GRK5: variants seen among roughly 807,000 people sequenced by gnomAD.
The protein encoded by GRK5 is g protein-coupled receptor kinase GRK5.
In GRK5, 40 loss-of-function variants were observed where a neutral mutation model predicts 78.4. The observed-to-expected ratio is 0.51, with a 90% confidence interval of 0.40 to 0.66. The LOEUF (loss-of-function observed/expected upper bound fraction) is 0.66. Ranked by LOEUF, GRK5 falls within the 30% of genes least tolerant of loss-of-function variation. GRK5 has a pLI of 0.00. For synonymous variants in GRK5, 289 were observed against 296.8 expected (o/e 0.97, Z 0.27); for missense variants, 598 against 759.9 (o/e 0.79, Z 2.50).
At chr10:119,362,809 A>G (rs1851387520) in intron 2 of GRK5, among the ~76,000 whole-genome samples, 1 of 152,212 alleles carries the variant, frequency 6.6e-6, no homozygotes, top group Admixed American at 6.5e-5. Flanking sequence ...CAACATCTGT[A>G]TCTCCCAAGC....
intron 1 of GRK5, chr10:119,211,889 C>T (rs1848493830): frequency 6.6e-6 from 1 of 152,288 alleles, no homozygotes; most frequent in South Asian, 2.1e-4. Flanking sequence ...CCCTGGACCT[C>T]TTTCCCTTGC....
chr10:119,258,929 C>G (rs1010768338), intron 1 of GRK5, among the ~76,000 whole-genome samples: 7 of 152,208 alleles, frequency 4.6e-5, no homozygotes, highest in African/African-American at 1.4e-4. Flanking sequence ...GGAGAGCTGG[C>G]TTTGCTGGCT....
chr10:119,351,651 A>G (rs943511990), intron 2 of GRK5, among the ~76,000 whole-genome samples: 1 of 152,106 alleles, frequency 6.6e-6, no homozygotes, highest in African/African-American at 2.4e-5. Flanking sequence ...CTAAGACACT[A>G]TTATAGGTGG....
intron 2 of GRK5, among the ~76,000 whole-genome samples, chr10:119,365,007 A>G (rs1272236185): frequency 6.6e-6 from 1 of 152,026 alleles, no homozygotes; most frequent in Non-Finnish European, 1.5e-5. Flanking sequence ...GCTACCTATC[A>G]GGTTTAGCGT....
chr10:119,227,833 A>G (rs1200947274), intron 1 of GRK5, among the ~76,000 whole-genome samples: 1 of 152,212 alleles, frequency 6.6e-6, no homozygotes, highest in Non-Finnish European at 1.5e-5. Flanking sequence ...TCTTTCAAAC[A>G]TTACGATCTT....
At chr10:119,387,828 T>C (rs758298009) in intron 3 of GRK5, among the ~76,000 whole-genome samples, 3 of 152,232 alleles carry the variant, frequency 2.0e-5, no homozygotes, top group Non-Finnish European at 4.4e-5. Context: ...GGCACATTTA[T>C]GGGGTGGCTC....
intron 4 of GRK5, among the ~76,000 whole-genome samples, chr10:119,404,820 T>G (rs184723846): frequency 6.6e-6 from 1 of 152,370 alleles, no homozygotes; most frequent in Non-Finnish European, 1.5e-5. Flanking sequence ...TTCCTAGGAC[T>G]GCACGGGCCT....
At chr10:119,343,238 G>A (rs761367674) in intron 2 of GRK5, among the ~76,000 whole-genome samples, 7 of 152,236 alleles carry the variant, frequency 4.6e-5, no homozygotes, top group Non-Finnish European at 1.0e-4. Flanking sequence ...ACATCTGTGT[G>A]GCAGGGAAGG....
In GRK5 at chr10:119,394,678, C is replaced by T. The variant is rs568805539; in HGVS notation, c.262-2017C>T. 3.8e-3 allele frequency among the ~76,000 whole-genome samples: 12 copies of T among 3,144 alleles called. 2 individuals carry two copies. The highest frequency in any genetic ancestry group is 8.7e-3 in the Non-Finnish European group (11 of 1,268). The allele number at this position is 3,144 out of a possible 152,430, so 2.1% of individuals were successfully genotyped here. ...GTGTGTGTATCTGTGTCTGTGGGCA[C>T]GTGTGTGTGGGTGTGTGTGGGTGTG... On this transcript the variant is annotated intron_variant, in intron 3 of 15. Coordinates refer to ENST00000392870, the MANE Select transcript of GRK5 (RefSeq NM_005308.3).
At chr10:119,313,148 G>T (rs1216968143) in intron 1 of GRK5, among the ~76,000 whole-genome samples, 2 of 151,686 alleles carry the variant, frequency 1.3e-5, no homozygotes, top group Non-Finnish European at 2.9e-5. Context: ...TGGTAGTGGT[G>T]ATGGTGGTGG....
chr10:119,290,894 T>G (rs992236351), intron 1 of GRK5, among the ~76,000 whole-genome samples: 2 of 152,104 alleles, frequency 1.3e-5, no homozygotes, highest in African/African-American at 2.4e-5. Flanking sequence ...CTTTCCATCC[T>G]TGTGTTCCTG....
intron 3 of GRK5, among the ~76,000 whole-genome samples, chr10:119,392,705 A>C (rs983332828): frequency 3.0e-4 from 43 of 144,028 alleles, no homozygotes; most frequent in African/African-American, 1.0e-3. Context: ...CCCCTGGCTA[A>C]GAGAGCTTTA....
chr10:119,326,348 A>G (rs1172958601), intron 1 of GRK5, among the ~76,000 whole-genome samples, 168 bp from the exon 2 acceptor site: 1 of 152,134 alleles, frequency 6.6e-6, no homozygotes, highest in African/African-American at 2.4e-5. Context: ...CCCACCTGGG[A>G]GGAAGAGTGT....
chr10:119,421,410 T>A (rs935460166), intron 4 of GRK5, among the ~76,000 whole-genome samples: 2 of 152,216 alleles, frequency 1.3e-5, no homozygotes, highest in Admixed American at 1.3e-4. Context: ...CTGGAGCAGC[T>A]CCTTCCTGTT....
chr10:119,391,284 G>T (rs80273224), intron 3 of GRK5, among the ~76,000 whole-genome samples: 3,100 of 151,944 alleles, frequency 0.02, 53 homozygotes, highest in Non-Finnish European at 0.034. Context: ...GGTTGACCAG[G>T]TACGTCTGAC....
chr10:119,258,029 C>T (rs1028070533), intron 1 of GRK5, among the ~76,000 whole-genome samples: 1 of 152,172 alleles, frequency 6.6e-6, no homozygotes, highest in Non-Finnish European at 1.5e-5. Flanking sequence ...GTGTACACCA[C>T]GTAGTTAGTA....
rs978666133 is a variant in GRK5, at chr10:119,296,580, G to A, written c.53-29936G>A. Among the ~76,000 whole-genome samples, 45 of 152,224 alleles carry A rather than the reference G, an allele frequency of 3.0e-4. 1 individual carries two copies. Among genetic ancestry groups the A allele is most frequent in the Non-Finnish European group, 6.2e-4 (42 of 68,038 alleles). ...CTTGGAGGAGGTCCTGGAACAACTG[G>A]TCAAAGTGAAGGCTGCTGTGGAGGA... On this transcript the variant is annotated intron_variant, in intron 1 of 15. Transcript: ENST00000392870.
intron 6 of GRK5, among the ~76,000 whole-genome samples, 197 bp downstream of exon 6, chr10:119,425,282 C>CACACACACAT (rs1852655670): frequency 7.7e-6 from 1 of 129,964 alleles, no homozygotes; most frequent in South Asian, 2.5e-4. Context: ...CACACACACA[C>CACACACACAT]ACACACACAC....
At chr10:119,426,006 G>A (rs1852671007) in intron 6 of GRK5, among the ~76,000 whole-genome samples, 2 of 152,226 alleles carry the variant, frequency 1.3e-5, no homozygotes, top group Non-Finnish European at 2.9e-5. Context: ...AATCCATGCC[G>A]GGCCGAGCTG....
Sources: allele counts gnomAD v4.1 joint callset (sites outside exome capture counted in the v4.1 genomes callset), GRCh38; gene constraint gnomAD v4.1.1; transcripts MANE v1.5; gene names NCBI Gene and HGNC (gene_info 2026-07-23, HGNC 2026-07-21).